The following SYNE1 variants were observed in gnomAD, a reference collection of about 807,000 sequenced individuals.
SYNE1 encodes spectrin repeat containing nuclear envelope protein 1, also known as nesprin-1.
SYNE1 carries 616 observed loss-of-function variants against 1,111.0 expected under a neutral mutation model. The ratio of observed to expected loss-of-function variants is 0.55; its 90% CI spans 0.52 to 0.59. The LOEUF (loss-of-function observed/expected upper bound fraction) is 0.59, where lower values mean the gene tolerates loss of function less well. Among genes scored for constraint, SYNE1 ranks in the 20% least tolerant of loss-of-function variants. SYNE1 has a pLI of 0.00. For missense variants in SYNE1, 10,006 were observed against 10,417.0 expected, an observed-to-expected ratio of 0.96 and a Z score of 1.72; for synonymous variants, 3,855 against 3,825.8, an observed-to-expected ratio of 1.01 and a Z score of -0.28.
At chr6:152,265,401 T>C (rs973215187) in intron 100 of SYNE1, among the ~76,000 whole-genome samples, 2 of 151,968 alleles carry the variant, frequency 1.3e-5, no homozygotes, top group Non-Finnish European at 2.9e-5. Context: ...GTGAAAAAAA[T>C]GCCAAAACAT....
chr6:152,609,466 G>T (rs1361578012), intron 3 of SYNE1, among the ~76,000 whole-genome samples: 1 of 152,154 alleles, frequency 6.6e-6, no homozygotes, highest in African/African-American at 2.4e-5. Flanking sequence ...CAAAGTGACT[G>T]GGAAGTTCAA....
At chr6:152,526,334 G>A (rs1251519455) in intron 4 of SYNE1, among the ~76,000 whole-genome samples, 159 bp from the exon 5 acceptor site, 1 of 151,998 alleles carries the variant, frequency 6.6e-6, no homozygotes, top group East Asian at 1.9e-4. Flanking sequence ...ATTGCCTTTC[G>A]ATAACTGTGA....
At chr6:152,616,353 G>A (rs901718737) in intron 3 of SYNE1, among the ~76,000 whole-genome samples, 9 of 151,998 alleles carry the variant, frequency 5.9e-5, no homozygotes, top group Admixed American at 3.9e-4. Flanking sequence ...CAGGAGCATC[G>A]CTTGATTCCA....
At chr6:152,366,774 T>A (rs1036584803) in intron 62 of SYNE1, among the ~76,000 whole-genome samples, 1 of 152,218 alleles carries the variant, frequency 6.6e-6, no homozygotes, top group African/African-American at 2.4e-5. Context: ...GCACCCAGTA[T>A]ACAAATGAAT....
chr6:152,239,422 T>C (rs1313567918), intron 108 of SYNE1, 111 bp downstream of exon 108: 6 of 1,295,358 alleles, frequency 4.6e-6, no homozygotes, highest in Non-Finnish European at 6.7e-6. Context: ...AGAGCGCAGC[T>C]AGTTCTGAGG....
In SYNE1 at chr6:152,214,918, G is replaced by A. The variant is rs1333921772; in HGVS notation, c.22334C>T (p.Thr7445Ile). ...TTGTTTACTCTACCTGAATCTTTCT[G>A]TAGTCTGAGAGGAGATCAGAGACCA... ...RHWSLISSQT[T>I]ERFSKLQSFL... The change falls in exon 122 of 146, where the codon ACA (threonine) becomes ATA (isoleucine). Residue 7445 changes from threonine to isoleucine, a missense_variant. By Grantham distance (89) the Thr-to-Ile change is moderately conservative. Transcript: ENST00000367255. The A allele has an allele frequency of 5.6e-6, 9 of 1,614,092 alleles. No individual in the cohort carries two copies. Among genetic ancestry groups the A allele is most frequent in the Non-Finnish European group, 6.8e-6 (8 of 1,179,986 alleles).
At chr6:152,159,833 T>C (rs1330031068) in intron 131 of SYNE1, among the ~76,000 whole-genome samples, 2 of 152,162 alleles carry the variant, frequency 1.3e-5, no homozygotes, top group African/African-American at 2.4e-5. Flanking sequence ...TACTGCTTGA[T>C]TTGTCCATAC....
chr6:152,276,878 CTT>C (rs539497198), intron 98 of SYNE1, among the ~76,000 whole-genome samples: 7 of 102,128 alleles, frequency 6.9e-5, no homozygotes, highest in East Asian at 2.8e-4. Context: ...ACTCTGCACT[CTT>C]TTTTTTTTTT....
Position 152,465,290 on chromosome 6 carries a change from T to C in SYNE1, c.1900A>G (p.Lys634Glu). ...GCATTTTCTGATTGATTGAGCATTT[T>C]TTCAGCATCCTCTAGCCAGGCTTGC... ...SLQAWLEDAE[K>E]MLNQSENAKK... is the part of the protein sequence containing the mutation. The change falls in exon 18 of 146, where the codon AAA becomes GAA. Residue 634 changes from lysine (K) to glutamate (E), a missense_variant. Coordinates refer to ENST00000367255, the MANE Select transcript of SYNE1 (RefSeq NM_182961.4). 6.2e-7 allele frequency: 1 copy of C among 1,613,810 alleles called. No individual in the cohort carries two copies. Among genetic ancestry groups the C allele is most frequent in the Non-Finnish European group, 8.5e-7 (1 of 1,179,764 alleles).
intron 39 of SYNE1, among the ~76,000 whole-genome samples, chr6:152,423,246 C>G (rs941668709): frequency 6.6e-6 from 1 of 152,218 alleles, no homozygotes; most frequent in Non-Finnish European, 1.5e-5. Context: ...TTTCTGAGCT[C>G]ACAATCTTTC....
chr6:152,161,596 C>T (rs2062518919), intron 131 of SYNE1, among the ~76,000 whole-genome samples: 1 of 151,628 alleles, frequency 6.6e-6, no homozygotes, highest in Non-Finnish European at 1.5e-5. Context: ...AATGTGTTTC[C>T]TCTGATTGTT....
chr6:152,250,901 T>C (rs1268099220), intron 104 of SYNE1, among the ~76,000 whole-genome samples: 2 of 152,124 alleles, frequency 1.3e-5, no homozygotes, highest in African/African-American at 4.8e-5. Context: ...ATAACATGGG[T>C]TAGAAATGAA....
Position 152,539,605 on chromosome 6 carries a change from C to T in SYNE1, c.129+355G>A, listed in dbSNP as rs182493014. Among the ~76,000 whole-genome samples the T allele has an allele frequency of 2.4e-4, 36 of 152,232 alleles. No individual in the cohort carries two copies. In the East Asian group the frequency reaches 6.6e-3, roughly 28 times the overall value. ...TTTGCTTAGCATAGATCACTTATAG[C>T]TTCTTTGTGTTCCAAATAGGAACAA... is the stretch of plus-strand genomic sequence containing the variant. On this transcript the variant is annotated intron_variant, in intron 4 of 145. Transcript: ENST00000367255.
Position 152,329,940 on chromosome 6 carries a change from GAGGTCT to G in SYNE1, c.14739_14744del (p.Asp4914_Leu4915del). The G allele has an allele frequency of 6.2e-7, 1 of 1,614,188 alleles. No individual in the cohort carries two copies. The highest frequency in any genetic ancestry group is 8.5e-7 in the Non-Finnish European group (1 of 1,180,040). Reference sequence around the variant, plus strand: ...TTTCCTCTTGGATGTCCTGCAGGTTGAGGTCTAGGTACACCGGCCCACTGAGCTCTG... The same window carrying G: ...TTTCCTCTTGGATGTCCTGCAGGTTGAGGTACACCGGCCCACTGAGCTCTG... On this transcript the variant is annotated inframe_deletion, in exon 78 of 146. Coordinates refer to ENST00000367255, the MANE Select transcript of SYNE1 (RefSeq NM_182961.4).
At chr6:152,136,564 G>A in intron 141 of SYNE1, 54 bp downstream of exon 141, 1 of 1,602,570 alleles carries the variant, frequency 6.2e-7, no homozygotes, top group Non-Finnish European at 8.5e-7. Flanking sequence ...CACACACTCA[G>A]CTAAATTGCT....
At chr6:152,490,673 T>C (rs2098965576) in intron 11 of SYNE1, among the ~76,000 whole-genome samples, 1 of 152,174 alleles carries the variant, frequency 6.6e-6, no homozygotes, top group Non-Finnish European at 1.5e-5. Context: ...CTGCCTGCAC[T>C]TGGGTGATTA....
intron 117 of SYNE1, among the ~76,000 whole-genome samples, chr6:152,223,431 C>T (rs925547457): frequency 6.6e-6 from 1 of 152,094 alleles, no homozygotes; most frequent in Admixed American, 6.5e-5. Context: ...ACCAGCCTGG[C>T]CAAGATGGTG....
intron 3 of SYNE1, among the ~76,000 whole-genome samples, chr6:152,586,955 C>A (rs1262574454): frequency 1.3e-5 from 2 of 152,120 alleles, no homozygotes; most frequent in Non-Finnish European, 2.9e-5. Flanking sequence ...TGATGTTCTT[C>A]AGAAAGAAAA....
intron 9 of SYNE1, among the ~76,000 whole-genome samples, chr6:152,502,972 G>C (rs1014399004): frequency 2.6e-5 from 4 of 152,118 alleles, no homozygotes; most frequent in Non-Finnish European, 4.4e-5. Flanking sequence ...CAGCGTTTAA[G>C]AAAGTAGCAT....
Sources: gnomAD v4.1 joint callset for allele counts (sites outside exome capture counted in the v4.1 genomes callset) on GRCh38, gnomAD v4.1.1 for gene constraint, MANE v1.5 for transcripts, NCBI Gene and HGNC (gene_info 2026-07-23, HGNC 2026-07-21) for gene names.